TNR: variants seen among roughly 807,000 people sequenced by gnomAD.
TNR encodes tenascin R, also known as tenascin-R.
In TNR, 45 loss-of-function variants were observed where a neutral mutation model predicts 150.4. The observed-to-expected ratio is 0.30, with a 90% CI of 0.24 to 0.38. The LOEUF is 0.38. Ranked by LOEUF, TNR falls within the 10% of genes least tolerant of loss-of-function variation. The pLI, the probability that TNR is intolerant of heterozygous loss-of-function variation, is 1.00. For missense variants in TNR, 1,544 were observed against 1,759.1 expected (o/e 0.88, Z 2.19); for synonymous variants, 687 against 678.4 (o/e 1.01, Z -0.20).
chr1:175,421,872 G>T (rs967723366), intron 2 of TNR, among the ~76,000 whole-genome samples: 1 of 152,150 alleles, frequency 6.6e-6, no homozygotes, highest in South Asian at 2.1e-4. Context: ...ATGCATGTGG[G>T]GTTGTGCCAT....
chr1:175,729,140 T>TAAAC (rs1667558469), intron 1 of TNR, among the ~76,000 whole-genome samples: 1 of 152,204 alleles, frequency 6.6e-6, no homozygotes, highest in Non-Finnish European at 1.5e-5. Flanking sequence ...TAGCAGGTTG[T>TAAAC]TCCTTGACGA....
At chr1:175,523,763 A>AACATG (rs1325982762) in intron 2 of TNR, among the ~76,000 whole-genome samples, 1 of 152,200 alleles carries the variant, frequency 6.6e-6, no homozygotes, top group Non-Finnish European at 1.5e-5. Context: ...TTCTAAAGGC[A>AACATG]ACATGATCAT....
intron 2 of TNR, among the ~76,000 whole-genome samples, chr1:175,419,727 C>A (rs1015289159): frequency 2.0e-5 from 3 of 152,102 alleles, no homozygotes; most frequent in African/African-American, 7.2e-5. Context: ...GGTGATCCAC[C>A]GACCTCAGCC....
intron 2 of TNR, among the ~76,000 whole-genome samples, chr1:175,493,187 T>A (rs1204844560): frequency 6.6e-6 from 1 of 151,934 alleles, no homozygotes; most frequent in East Asian, 1.9e-4. Flanking sequence ...AGCCCAGAAA[T>A]GACCAGAAAA....
At chr1:175,381,189 C>T (rs1652660610) in intron 8 of TNR, among the ~76,000 whole-genome samples, 2 of 152,228 alleles carry the variant, frequency 1.3e-5, no homozygotes, top group Admixed American at 6.5e-5. Flanking sequence ...TGTGGAGGAA[C>T]ACCTGCCCCT....
chr1:175,577,196 A>C (rs1662153017), intron 1 of TNR, among the ~76,000 whole-genome samples: 1 of 152,196 alleles, frequency 6.6e-6, no homozygotes, highest in South Asian at 2.1e-4. Flanking sequence ...ATCCAACTCT[A>C]GAGACAATAG....
chr1:175,484,039 G>A (rs533139493), intron 2 of TNR, among the ~76,000 whole-genome samples: 8 of 152,330 alleles, frequency 5.3e-5, no homozygotes, highest in Non-Finnish European at 1.2e-4. Context: ...CAAGAACGTT[G>A]TTTGCCTTAT....
intron 15 of TNR, among the ~76,000 whole-genome samples, chr1:175,358,010 G>T (rs1284117008): frequency 6.6e-6 from 1 of 152,202 alleles, no homozygotes; most frequent in Non-Finnish European, 1.5e-5. Context: ...GAAGAGATAG[G>T]GTTGAAACCA....
chr1:175,410,896 G>GC (rs1654183234), intron 2 of TNR, among the ~76,000 whole-genome samples: 1 of 152,178 alleles, frequency 6.6e-6, no homozygotes, highest in South Asian at 2.1e-4. Context: ...TTTGGGGATT[G>GC]CTTTTTCCCA....
intron 1 of TNR, among the ~76,000 whole-genome samples, chr1:175,641,881 A>T (rs746602767): frequency 2.0e-5 from 3 of 152,172 alleles, no homozygotes; most frequent in African/African-American, 7.2e-5. Context: ...TACAGGAAGA[A>T]AATGTAATTT....
rs375102521 is a variant in TNR at position 175,555,592 on chromosome 1, C to T, written c.-164-27223G>A. Among the ~76,000 whole-genome samples, 43 of 151,558 alleles carry T rather than the reference C, an allele frequency of 2.8e-4. No individual in the cohort carries two copies. In the East Asian group the frequency reaches 7.4e-3, roughly 26 times the overall value. ...TTACAAGATGCAAAATTCAGCTCTACTGATGGAATGATAACTGAAACACAC... is the reference window on the plus strand; with the variant it reads ...TTACAAGATGCAAAATTCAGCTCTATTGATGGAATGATAACTGAAACACAC... On this transcript the variant is annotated intron_variant, in intron 1 of 22. Coordinates refer to ENST00000367674, the MANE Select transcript of TNR (RefSeq NM_003285.3).
chr1:175,506,371 T>C (rs1226317902), intron 2 of TNR, among the ~76,000 whole-genome samples: 1 of 152,250 alleles, frequency 6.6e-6, no homozygotes. Context: ...ACACTTATGT[T>C]AGCTCAGAAA....
chr1:175,452,428 C>T (rs1656369412), intron 2 of TNR, among the ~76,000 whole-genome samples: 1 of 152,234 alleles, frequency 6.6e-6, no homozygotes, highest in African/African-American at 2.4e-5. Flanking sequence ...GGGGCTGCTG[C>T]AACCCAGGTG....
Position 175,603,888 on chromosome 1 carries a change from A to C in TNR, c.-164-75519T>G, listed in dbSNP as rs530410159. 6.7e-4 allele frequency among the ~76,000 whole-genome samples: 102 copies of C among 152,336 alleles called. 1 individual carries two copies. Among genetic ancestry groups the C allele is most frequent in the African/African-American group, 2.4e-3 (99 of 41,576 alleles). On this transcript the variant is annotated intron_variant, in intron 1 of 22. Transcript: ENST00000367674. ...TGGCTAGACTGCAGGCTCCTTCAGGAGACAGCCTGAGAAACGATTCCAGCT... is the reference window on the plus strand; with the variant it reads ...TGGCTAGACTGCAGGCTCCTTCAGGCGACAGCCTGAGAAACGATTCCAGCT...
At chr1:175,707,713 G>C (rs1263084222) in intron 1 of TNR, among the ~76,000 whole-genome samples, 1 of 152,134 alleles carries the variant, frequency 6.6e-6, no homozygotes, top group African/African-American at 2.4e-5. Context: ...GCTTGTGTAA[G>C]TAATTAATCA....
rs1051841366 is a variant in TNR, at chr1:175,648,560, C to T, written c.-165+94666G>A. Among the ~76,000 whole-genome samples, 9 of 152,004 alleles carry T rather than the reference C, an allele frequency of 5.9e-5. No individual in the cohort carries two copies. In the South Asian group the frequency reaches 1.2e-3, roughly 21 times the overall value. Reference sequence around the variant, plus strand: ...ATTGTCTATCTCTGAGAAGGGAGTGCCTCACCCCATACCCACACAATTCAC... The same window carrying T: ...ATTGTCTATCTCTGAGAAGGGAGTGTCTCACCCCATACCCACACAATTCAC... On this transcript the variant is annotated intron_variant, in intron 1 of 22. Coordinates refer to ENST00000367674, the MANE Select transcript of TNR (RefSeq NM_003285.3).
chr1:175,415,735 A>G (rs573331262), intron 2 of TNR, among the ~76,000 whole-genome samples: 3 of 152,254 alleles, frequency 2.0e-5, no homozygotes, highest in African/African-American at 7.2e-5. Context: ...GGAGAACTCT[A>G]ATTGACATTA....
rs574766433 is a variant in TNR, at chr1:175,645,688, G to C, written c.-165+97538C>G. Reference sequence around the variant, plus strand: ...TTTCTGCAGGGAATGAAGTTAATATGGTCCAGGAATATAGTTTTTTGAAGA... The same window carrying C: ...TTTCTGCAGGGAATGAAGTTAATATCGTCCAGGAATATAGTTTTTTGAAGA... On this transcript the variant is annotated intron_variant, in intron 1 of 22. Transcript: ENST00000367674. Among the ~76,000 whole-genome samples, 6 of 152,280 alleles carry C rather than the reference G, an allele frequency of 3.9e-5. No individual in the cohort carries two copies. In the South Asian group the frequency reaches 1.2e-3, roughly 32 times the overall value.
At chr1:175,635,540 T>A (rs1664467971) in intron 1 of TNR, among the ~76,000 whole-genome samples, 1 of 152,242 alleles carries the variant, frequency 6.6e-6, no homozygotes, top group African/African-American at 2.4e-5. Flanking sequence ...GAGGTAATTA[T>A]CTTGTATTGC....
Sources: gnomAD v4.1 joint callset for allele counts (sites outside exome capture counted in the v4.1 genomes callset) on GRCh38, gnomAD v4.1.1 for gene constraint, MANE v1.5 for transcripts, NCBI Gene and HGNC (gene_info 2026-07-23, HGNC 2026-07-21) for gene names.